NR3C2: variants seen among roughly 807,000 people sequenced by gnomAD.
The protein encoded by NR3C2 is mineralocorticoid receptor.
NR3C2 carries 15 observed loss-of-function variants against 86.4 expected under a neutral mutation model. The ratio of observed to expected loss-of-function variants is 0.17; its 90% CI spans 0.12 to 0.27. The LOEUF is 0.27. NR3C2 is among the 10% of genes least tolerant of loss of function. The probability of loss-of-function intolerance (pLI) is 1.00; values close to 1 mark genes in which losing one functional copy is unlikely to be tolerated. For synonymous variants in NR3C2, 458 were observed against 450.5 expected (o/e 1.02, Z -0.21); for missense variants, 960 against 1,195.6 (o/e 0.80, Z 2.91).
At chr4:148,175,287 C>T (rs912455780) in intron 4 of NR3C2, among the ~76,000 whole-genome samples, 1 of 152,116 alleles carries the variant, frequency 6.6e-6, no homozygotes, top group African/African-American at 2.4e-5. Flanking sequence ...GGTTCCTAGC[C>T]CTGGTGAACT....
intron 3 of NR3C2, among the ~76,000 whole-genome samples, chr4:148,223,937 T>C (rs1166388339): frequency 1.3e-5 from 2 of 152,092 alleles, no homozygotes; most frequent in East Asian, 1.9e-4. Flanking sequence ...GAAGATCCTA[T>C]AGGCAAATGA....
At chr4:148,358,269 T>C (rs370850787) in intron 2 of NR3C2, among the ~76,000 whole-genome samples, 7 of 152,050 alleles carry the variant, frequency 4.6e-5, no homozygotes, top group African/African-American at 1.2e-4. Context: ...GGCACATATA[T>C]ACCATGGAAT....
intron 2 of NR3C2, among the ~76,000 whole-genome samples, chr4:148,266,013 G>C (rs11734888): frequency 0.013 from 2,017 of 151,124 alleles, 20 homozygotes; most frequent in Non-Finnish European, 0.021. Context: ...GACAGACACT[G>C]AGATTGGACG....
At chr4:148,306,083 A>G (rs1742603900) in intron 2 of NR3C2, among the ~76,000 whole-genome samples, 1 of 152,216 alleles carries the variant, frequency 6.6e-6, no homozygotes, top group South Asian at 2.1e-4. Context: ...ATTTGTTTGC[A>G]TAGTACTTTA....
chr4:148,255,333 A>T (rs1739779663), intron 3 of NR3C2, among the ~76,000 whole-genome samples: 1 of 152,248 alleles, frequency 6.6e-6, no homozygotes, highest in African/African-American at 2.4e-5. Flanking sequence ...TTTAAAATGT[A>T]TGCTGTGAAC....
At chr4:148,209,544 T>C (rs1234444895) in intron 3 of NR3C2, among the ~76,000 whole-genome samples, 1 of 152,182 alleles carries the variant, frequency 6.6e-6, no homozygotes, top group Admixed American at 6.5e-5. Flanking sequence ...GTGATTCTCC[T>C]GCTATGGCCT....
intron 2 of NR3C2, among the ~76,000 whole-genome samples, chr4:148,317,080 A>G (rs1743227846): frequency 6.6e-6 from 1 of 152,236 alleles, no homozygotes; most frequent in South Asian, 2.1e-4. Context: ...GGCTTGAGCC[A>G]CTGTGCCCAG....
At position 148,209,657 on chromosome 4, in the gene NR3C2, GA is replaced by G. The variant is rs200091893; in HGVS notation, c.1898-14796del. Among the ~76,000 whole-genome samples, 26 of 152,262 alleles carry G rather than the reference GA, an allele frequency of 1.7e-4. No homozygotes were observed. In the East Asian group the frequency reaches 4.6e-3, roughly 27 times the overall value. On this transcript the variant is annotated intron_variant, in intron 3 of 8. Transcript: ENST00000358102. ...ACTATCATTTCAGTCACTCGTAAAAGAGAAAGACTCATTGATTTTAGAGTCC... is the reference window on the plus strand; with the variant it reads ...ACTATCATTTCAGTCACTCGTAAAAGGAAAGACTCATTGATTTTAGAGTCC...
intron 8 of NR3C2, among the ~76,000 whole-genome samples, chr4:148,092,438 T>C (rs1223631388): frequency 1.3e-5 from 2 of 152,128 alleles, no homozygotes; most frequent in Non-Finnish European, 1.5e-5. Flanking sequence ...GGCCCCTTCA[T>C]GTTTCTGCTG....
intron 3 of NR3C2, among the ~76,000 whole-genome samples, chr4:148,201,398 G>T (rs1736714000): frequency 1.3e-5 from 2 of 152,172 alleles, no homozygotes; most frequent in Non-Finnish European, 2.9e-5. Flanking sequence ...ATTGGATTAT[G>T]TTTATTGGTG....
chr4:148,172,506 A>G (rs1735179957), intron 4 of NR3C2, among the ~76,000 whole-genome samples: 1 of 152,202 alleles, frequency 6.6e-6, no homozygotes, highest in Non-Finnish European at 1.5e-5. Flanking sequence ...GGAAAAAATA[A>G]TATTACACTA....
At chr4:148,211,265 G>A (rs1204434647) in intron 3 of NR3C2, among the ~76,000 whole-genome samples, 4 of 152,148 alleles carry the variant, frequency 2.6e-5, no homozygotes, top group East Asian at 3.8e-4. Context: ...AATAAAACCC[G>A]AAAAATATAA....
intron 2 of NR3C2, among the ~76,000 whole-genome samples, chr4:148,368,873 T>C (rs1395589375): frequency 1.3e-5 from 2 of 152,208 alleles, no homozygotes; most frequent in African/African-American, 2.4e-5. Flanking sequence ...GACACAGCCA[T>C]GTAGAGACAG....
chr4:148,178,552 A>G lies in NR3C2; in HGVS notation c.2014+16194T>C, dbSNP rs1735490932. On this transcript the variant is annotated intron_variant, in intron 4 of 8. Coordinates refer to ENST00000358102, the MANE Select transcript of NR3C2 (RefSeq NM_000901.5). The stretch of plus-strand genomic sequence containing the variant: ...ATGGGTTTGTAGTAGAGATGTGTTT[A>G]TTATACTCTGATTGTTACAGTCACA... Among the ~76,000 whole-genome samples the G allele has an allele frequency of 2.0e-5, 3 of 151,690 alleles. No individual in the cohort carries two copies. The South Asian group carries it at 6.3e-4, about 32-fold the overall frequency.
intron 2 of NR3C2, among the ~76,000 whole-genome samples, chr4:148,288,506 T>C (rs1427818124): frequency 6.6e-6 from 1 of 152,194 alleles, no homozygotes; most frequent in Non-Finnish European, 1.5e-5. Context: ...TAAATGCCAA[T>C]GAGAGGTCCC....
At position 148,358,185 on chromosome 4, in the gene NR3C2, G is replaced by A. The variant is rs144865795; in HGVS notation, c.1757+76919C>T. On this transcript the variant is annotated intron_variant, in intron 2 of 8. Coordinates refer to ENST00000358102, the MANE Select transcript of NR3C2 (RefSeq NM_000901.5). ...ACACATGCACACGTATGTTTATTGC[G>A]GCATTATTCACAATAGCGAAGACTT... 2.0e-3 allele frequency among the ~76,000 whole-genome samples: 299 copies of A among 152,096 alleles called. 2 individuals carry two copies. The highest frequency in any genetic ancestry group is 6.5e-3 in the African/African-American group (271 of 41,482).
At chr4:148,330,616 C>T (rs546852845) in intron 2 of NR3C2, among the ~76,000 whole-genome samples, 15 of 152,290 alleles carry the variant, frequency 9.8e-5, no homozygotes, top group Middle Eastern at 3.4e-3. Flanking sequence ...GCCTATGTTT[C>T]GCACTAATGT....
intron 3 of NR3C2, among the ~76,000 whole-genome samples, chr4:148,251,085 G>A (rs1186668968): frequency 6.6e-6 from 1 of 152,036 alleles, no homozygotes; most frequent in East Asian, 1.9e-4. Flanking sequence ...AAGGAGCTGA[G>A]ACTGCAAGCA....
At chr4:148,380,182 T>C (rs886705379) in intron 2 of NR3C2, among the ~76,000 whole-genome samples, 1 of 152,230 alleles carries the variant, frequency 6.6e-6, no homozygotes, top group Non-Finnish European at 1.5e-5. Context: ...TAAGAAACTA[T>C]GCAGTACTTC....
Sources: gnomAD v4.1 joint callset for allele counts (sites outside exome capture counted in the v4.1 genomes callset) on GRCh38, gnomAD v4.1.1 for gene constraint, MANE v1.5 for transcripts, NCBI Gene and HGNC (gene_info 2026-07-23, HGNC 2026-07-21) for gene names.